Variants in RSPH1 observed in about 807,000 individuals in gnomAD.
RSPH1 encodes the protein radial spoke head component 1, also known as radial spoke head 1 homolog.
Under a neutral mutation model 44.2 loss-of-function variants are expected in RSPH1, and 32 were observed. The ratio of observed to expected loss-of-function variants is 0.72; its 90% confidence interval spans 0.55 to 0.97. The LOEUF (loss-of-function observed/expected upper bound fraction) is 0.97. Ranked by LOEUF, RSPH1 falls within the 50% of genes least tolerant of loss-of-function variation. RSPH1 has a pLI of 0.00. For synonymous variants in RSPH1, 134 were observed against 147.3 expected, an observed-to-expected ratio of 0.91 and a Z score of 0.65; for missense variants, 391 against 398.7, an observed-to-expected ratio of 0.98 and a Z score of 0.16.
At chr21:42,486,120 C>T (rs2054178150) in intron 4 of RSPH1, 2 of 570,592 alleles carry the variant, frequency 3.5e-6, no homozygotes, top group East Asian at 2.9e-5. Context: ...GTGCCCTCCA[C>T]TCCCTGGGAC....
intron 4 of RSPH1, 41 bp from the exon 5 acceptor site, chr21:42,485,845 A>G (rs746108379): frequency 6.2e-7 from 1 of 1,612,448 alleles, no homozygotes; most frequent in Non-Finnish European, 8.5e-7. Flanking sequence ...GTTCCAGCAC[A>G]GTGAAAAATC....
intron 6 of RSPH1, among the ~76,000 whole-genome samples, chr21:42,478,267 G>A (rs1051560106): frequency 6.6e-6 from 1 of 152,240 alleles, no homozygotes; most frequent in Non-Finnish European, 1.5e-5. Context: ...ATGACAGAGA[G>A]GGGCAGACAC....
chr21:42,487,082 T>C (rs935835451), intron 3 of RSPH1, among the ~76,000 whole-genome samples: 11 of 152,152 alleles, frequency 7.2e-5, no homozygotes, highest in African/African-American at 2.7e-4. Flanking sequence ...GTGCCATGCC[T>C]CTGTTTGAAC....
rs973316345 is a variant in RSPH1, at chr21:42,474,251, C to T, written c.878-1381G>A. Among the ~76,000 whole-genome samples, 6 of 152,188 alleles carry T rather than the reference C, an allele frequency of 3.9e-5. No homozygotes were observed. Among genetic ancestry groups the T allele is most frequent in the Non-Finnish European group, 8.8e-5 (6 of 68,026 alleles). ...CCAAGGGAAAGGGGCCACCTCCCCACCCCCACACTCTTCTGCTGTCAGACT... is the reference window on the plus strand; with the variant it reads ...CCAAGGGAAAGGGGCCACCTCCCCATCCCCACACTCTTCTGCTGTCAGACT... On this transcript the variant is annotated intron_variant, in intron 8 of 8. Transcript: ENST00000291536. This position sits in a 1 kb window ranked among gnomAD's most constrained non-coding sequence, Gnocchi z 5.2.
At chr21:42,493,699 T>C (rs1456048599) in intron 1 of RSPH1, among the ~76,000 whole-genome samples, 1 of 152,214 alleles carries the variant, frequency 6.6e-6, no homozygotes, top group Non-Finnish European at 1.5e-5. Flanking sequence ...AGCAAGAGAC[T>C]TAAGGTTCGA....
intron 3 of RSPH1, among the ~76,000 whole-genome samples, chr21:42,489,134 T>G (rs933732291): frequency 6.6e-6 from 1 of 152,028 alleles, no homozygotes; most frequent in Non-Finnish European, 1.5e-5. Context: ...GTTGGCTGGG[T>G]GGTTGGCTAG....
At chr21:42,490,645 T>C (rs2054226901) in intron 3 of RSPH1, among the ~76,000 whole-genome samples, 2 of 152,204 alleles carry the variant, frequency 1.3e-5, no homozygotes, top group African/African-American at 4.8e-5. Flanking sequence ...TGTGGCATAA[T>C]AAGAAATATT....
Position 42,476,014 on chromosome 21 carries a change from A to G in RSPH1, c.761T>C (p.Leu254Pro), listed in dbSNP as rs752506137. 2.5e-6 allele frequency: 4 copies of G among 1,613,530 alleles called. No individual in the cohort carries two copies. The Admixed American group carries it at 5.0e-5, about 20-fold the overall frequency. ...AGEPGEEAQA[L>P]LEGFEGEMDM... ...CATCTCACCCTCGAAGCCCTCCAGC[A>G]GAGCCTGGGCCTCCTCCCCGGGTTC... The change falls in exon 8 of 9, where the codon CTG becomes CCG. Residue 254 changes from leucine to proline, a missense_variant. By Grantham distance (98) the Leu-to-Pro change is moderately conservative. Coordinates refer to ENST00000291536, the MANE Select transcript of RSPH1 (RefSeq NM_080860.4).
chr21:42,487,821 T>C (rs2054195019), intron 3 of RSPH1, among the ~76,000 whole-genome samples: 1 of 152,226 alleles, frequency 6.6e-6, no homozygotes, highest in Non-Finnish European at 1.5e-5. Context: ...AACCCCAAAA[T>C]TTATCTGCAG....
At chr21:42,483,742 A>T (rs2054153245) in intron 5 of RSPH1, among the ~76,000 whole-genome samples, 2 of 152,042 alleles carry the variant, frequency 1.3e-5, no homozygotes, top group South Asian at 4.1e-4. Context: ...CCTCATTTCA[A>T]GGTTAATATT....
intron 6 of RSPH1, 59 bp downstream of exon 6, chr21:42,482,578 A>G: frequency 7.9e-7 from 1 of 1,271,888 alleles, no homozygotes; most frequent in Non-Finnish European, 1.1e-6. Flanking sequence ...CAGGATCAAT[A>G]TTTTTGAGCA....
rs150239715 is a variant in RSPH1 at position 42,492,972 on chromosome 21, A to G, written c.162T>C (p.His54=). The change falls in exon 2 of 9, where the codon CAT becomes CAC. Residue 54 remains histidine, a synonymous_variant. Coordinates refer to ENST00000291536, the MANE Select transcript of RSPH1 (RefSeq NM_080860.4). Reference sequence around the variant, plus strand: ...TCAAGTCAACGGTTCTGACCTGGCCATGTCTTTTACCGAATTCGTAGCTCC... The same window carrying G: ...TCAAGTCAACGGTTCTGACCTGGCCGTGTCTTTTACCGAATTCGTAGCTCC... ...YEGSYEFGKR[H]GQGIYKFKNG... is the part of the protein sequence containing the mutation. 3.7e-6 allele frequency: 6 copies of G among 1,613,890 alleles called. No individual in the cohort carries two copies. The African/African-American group carries it at 6.7e-5, about 18-fold the overall frequency.
At chr21:42,473,090 C>T (rs1028462638) in intron 8 of RSPH1, among the ~76,000 whole-genome samples, 2 of 152,152 alleles carry the variant, frequency 1.3e-5, no homozygotes, top group Non-Finnish European at 2.9e-5. Context: ...AAAGTAAATG[C>T]TAAGACAAGA....
intron 3 of RSPH1, among the ~76,000 whole-genome samples, chr21:42,488,751 C>T (rs888122589): frequency 6.6e-6 from 1 of 152,154 alleles, no homozygotes; most frequent in African/African-American, 2.4e-5. Flanking sequence ...GGACCCTGCA[C>T]AAATAGAGAA....
At chr21:42,481,612 G>GTGATTCCA (rs2054128577) in intron 6 of RSPH1, among the ~76,000 whole-genome samples, 2 of 152,142 alleles carry the variant, frequency 1.3e-5, no homozygotes, top group Non-Finnish European at 2.9e-5. Flanking sequence ...AAACAAAAGC[G>GTGATTCCA]TGATTCCACA....
At chr21:42,480,640 C>CAAAAAAAAAAAA (rs780506820) in intron 6 of RSPH1, among the ~76,000 whole-genome samples, 4 of 38,744 alleles carry the variant, frequency 1.0e-4, no homozygotes, top group African/African-American at 3.8e-4. Flanking sequence ...AACTCCATCT[C>CAAAAAAAAAAAA]AAAAAAAAAA....
intron 8 of RSPH1, among the ~76,000 whole-genome samples, chr21:42,475,059 G>A (rs751990853): frequency 5.9e-5 from 9 of 152,164 alleles, no homozygotes; most frequent in African/African-American, 9.7e-5. Flanking sequence ...TGAAAAGTGC[G>A]TTAAGGGAAG....
intron 6 of RSPH1, 51 bp downstream of exon 6, chr21:42,482,586 G>A: frequency 7.6e-7 from 1 of 1,321,932 alleles, no homozygotes; most frequent in Non-Finnish European, 1.1e-6. Context: ...ATATTTTTGA[G>A]CAGCTACTTC....
At chr21:42,485,931 A>G (rs1307878259) in intron 4 of RSPH1, 127 bp from the exon 5 acceptor site, 10 of 1,188,812 alleles carry the variant, frequency 8.4e-6, no homozygotes, top group Admixed American at 1.9e-5. Context: ...TGTAGCTTCT[A>G]TATCTGTGTC....
Sources: allele counts gnomAD v4.1 joint callset (sites outside exome capture counted in the v4.1 genomes callset), GRCh38; gene constraint gnomAD v4.1.1; non-coding constraint Gnocchi (gnomAD v3.1); transcripts MANE v1.5; gene names NCBI Gene and HGNC (gene_info 2026-07-23, HGNC 2026-07-21).